The following NHS variants were observed in gnomAD, a reference collection of about 807,000 sequenced individuals.
The protein encoded by NHS is NHS actin remodeling regulator.
In NHS, 5 loss-of-function variants were observed where a neutral mutation model predicts 72.5. That is an observed-to-expected ratio of 0.07 (90% CI 0.04 to 0.14). NHS has a LOEUF of 0.14. Ranked by LOEUF, NHS falls within the 10% of genes least tolerant of loss-of-function variation. NHS has a pLI of 1.00. For missense variants in NHS, 1,072 were observed against 1,355.7 expected (o/e 0.79, Z 3.29); for synonymous variants, 464 against 547.7 (o/e 0.85, Z 2.13).
At chrX:17,696,929 G>A (rs774043895) in intron 3 of NHS, among the ~76,000 whole-genome samples, 1 of 111,702 alleles carries the variant, frequency 9.0e-6, no homozygotes, top group Non-Finnish European at 1.9e-5. Flanking sequence ...GTTACAAGGT[G>A]AGGGAGGGCA....
At chrX:17,480,382 T>C in intron 1 of NHS, among the ~76,000 whole-genome samples, 1 of 111,928 alleles carries the variant, frequency 8.9e-6, no homozygotes, top group Middle Eastern at 4.6e-3. Flanking sequence ...CTTCAAACTA[T>C]ACTACAAGGC....
chrX:17,471,912 G>A (rs1457453002), intron 1 of NHS, among the ~76,000 whole-genome samples: 1 of 111,436 alleles, frequency 9.0e-6, no homozygotes, highest in Non-Finnish European at 1.9e-5. Context: ...GCAGGGCCAG[G>A]GAGGGAATTG....
intron 1 of NHS, among the ~76,000 whole-genome samples, chrX:17,572,569 G>A (rs2065487289): frequency 1.1e-5 from 1 of 90,482 alleles, no homozygotes; most frequent in Admixed American, 1.4e-4. Context: ...GCCTTTGTGT[G>A]TCTTTGCATG....
At chrX:17,627,038 A>G (rs911055323) in intron 1 of NHS, among the ~76,000 whole-genome samples, 2 of 112,266 alleles carry the variant, frequency 1.8e-5, no homozygotes, top group African/African-American at 6.5e-5. Context: ...GGCAAATGAG[A>G]AAAATGAGTT....
At chrX:17,437,980 A>T (rs2064732101) in intron 1 of NHS, among the ~76,000 whole-genome samples, 2 of 112,158 alleles carry the variant, frequency 1.8e-5, no homozygotes, top group African/African-American at 3.2e-5. Flanking sequence ...ATTTCAAAAC[A>T]TCATGCTGTA....
At chrX:17,410,528 TTTTTTTTTTC>T (rs1230298129) in intron 1 of NHS, among the ~76,000 whole-genome samples, 5 of 106,287 alleles carry the variant, frequency 4.7e-5, no homozygotes, top group African/African-American at 1.7e-4. Flanking sequence ...TTTTTTTTTT[TTTTTTTTTTC>T]CAGACCTTAG....
intron 1 of NHS, among the ~76,000 whole-genome samples, chrX:17,480,150 A>G (rs969899691): frequency 8.9e-6 from 1 of 111,963 alleles, no homozygotes; most frequent in African/African-American, 3.2e-5. Context: ...AAATGGAAAA[A>G]CATTCCATGC....
At chrX:17,606,864 T>C (rs1181926202) in intron 1 of NHS, among the ~76,000 whole-genome samples, 1 of 112,322 alleles carries the variant, frequency 8.9e-6, no homozygotes, top group Non-Finnish European at 1.9e-5. Flanking sequence ...ATAGCCAACA[T>C]TTATCGAGCA....
chrX:17,715,825 G>T (rs902014022), intron 3 of NHS, among the ~76,000 whole-genome samples: 4 of 111,134 alleles, frequency 3.6e-5, no homozygotes, highest in African/African-American at 1.3e-4. Context: ...CTAGACTAAG[G>T]CAGTTACTAA....
At chrX:17,386,263 A>ATT (rs2064407745) in intron 1 of NHS, among the ~76,000 whole-genome samples, 1 of 111,647 alleles carries the variant, frequency 9.0e-6, no homozygotes, top group South Asian at 3.7e-4. Context: ...AACAACTTCA[A>ATT]TTCCTTCAAC....
At chrX:17,448,958 A>G (rs2064794486) in intron 1 of NHS, among the ~76,000 whole-genome samples, 1 of 112,913 alleles carries the variant, frequency 8.9e-6, no homozygotes, top group African/African-American at 3.2e-5. Flanking sequence ...CAGTGCTCTA[A>G]GCATTTAATG....
chrX:17,612,221 T>TA (rs1183571793), intron 1 of NHS, among the ~76,000 whole-genome samples: 2 of 109,369 alleles, frequency 1.8e-5, no homozygotes, highest in Non-Finnish European at 3.8e-5. Flanking sequence ...GGGCCAGACT[T>TA]ACACATTATT....
At chrX:17,672,240 C>T (rs2066051518) in intron 1 of NHS, among the ~76,000 whole-genome samples, 1 of 111,905 alleles carries the variant, frequency 8.9e-6, no homozygotes, top group Non-Finnish European at 1.9e-5. Flanking sequence ...TGGTGGGTAG[C>T]TCTTCTCCTA....
chrX:17,555,209 G>A (rs2065363178), intron 1 of NHS, among the ~76,000 whole-genome samples: 1 of 109,090 alleles, frequency 9.2e-6, no homozygotes, highest in African/African-American at 3.4e-5. Context: ...AGGAAGTGGG[G>A]TGGGGCTGGC....
At chrX:17,556,439 A>G (rs757899781) in intron 1 of NHS, among the ~76,000 whole-genome samples, 16 of 109,929 alleles carry the variant, frequency 1.5e-4, no homozygotes, top group Non-Finnish European at 2.8e-4. Flanking sequence ...AAAAGGGTCA[A>G]TGTCAGGTTT....
chrX:17,579,235 T>G (rs1325074617), intron 1 of NHS, among the ~76,000 whole-genome samples: 1 of 112,316 alleles, frequency 8.9e-6, no homozygotes, highest in Admixed American at 9.4e-5. Flanking sequence ...CAATTTACAG[T>G]TAGCTCCTCA....
chrX:17,658,053 T>C (rs2065965750), intron 1 of NHS, among the ~76,000 whole-genome samples: 2 of 112,452 alleles, frequency 1.8e-5, no homozygotes, highest in Admixed American at 1.9e-4. Context: ...CCGCCTGGAA[T>C]GGAGATAGGA....
chrX:17,491,836 G>A (rs139509893), intron 1 of NHS, among the ~76,000 whole-genome samples: 249 of 103,555 alleles, frequency 2.4e-3, no homozygotes, highest in African/African-American at 7.2e-3. Flanking sequence ...TCAGGGATTC[G>A]ACTTCTTCCT....
chrX:17,651,792 C>A (rs991857641), intron 1 of NHS, among the ~76,000 whole-genome samples: 6 of 112,709 alleles, frequency 5.3e-5, no homozygotes, highest in Non-Finnish European at 1.1e-4. Context: ...TAGCCAGTTT[C>A]TTCTAAAGAA....
Sources: allele counts gnomAD v4.1 joint callset (sites outside exome capture counted in the v4.1 genomes callset), GRCh38; gene constraint gnomAD v4.1.1; transcripts MANE v1.5; gene names NCBI Gene and HGNC (gene_info 2026-07-23, HGNC 2026-07-21).